Variants in TET3 observed in about 807,000 individuals in gnomAD.
The protein encoded by TET3 is tet methylcytosine dioxygenase 3.
A neutral mutation model predicts 141.4 loss-of-function variants in TET3; 19 were observed. That is an observed-to-expected ratio of 0.13 (90% CI 0.09 to 0.20). The LOEUF (loss-of-function observed/expected upper bound fraction) is 0.20. TET3 is among the 10% of genes least tolerant of loss of function. The pLI is 1.00. For synonymous variants in TET3, 1,043 were observed against 980.9 expected, an observed-to-expected ratio of 1.06 and a Z score of -1.18; for missense variants, 1,874 against 2,356.9, an observed-to-expected ratio of 0.80 and a Z score of 4.24.
chr2:74,116,819 G>A, the TET3 span, among the ~76,000 whole-genome samples: 4 of 152,172 alleles, frequency 2.6e-5, no homozygotes, highest in African/African-American at 7.2e-5. Flanking sequence ...GCTCGTGCCT[G>A]TAATCCCAGC....
At chr2:74,109,888 CTTT>C (rs1691662341), downstream of TET3, among the ~76,000 whole-genome samples, 1 of 152,144 alleles carries the variant, frequency 6.6e-6, no homozygotes, top group South Asian at 2.1e-4. Flanking sequence ...GGTTTATTAG[CTTT>C]TTAAGCAGCG....
In TET3 at chr2:74,047,867, C is replaced by A. The variant is rs1687729520; in HGVS notation, c.1950C>A (p.Ala650=). 6.2e-7 allele frequency: 1 copy of A among 1,612,936 alleles called. No individual in the cohort carries two copies. Among genetic ancestry groups the A allele is most frequent in the Non-Finnish European group, 8.5e-7 (1 of 1,179,414 alleles). The change falls in exon 4 of 12, where the codon GCC becomes GCA. Residue 650 remains alanine (A), a synonymous_variant. Transcript: ENST00000409262. ...CTCATCCACCGGCCCCTCTGCCTGC[C>A]TCACAGGGCTCTGCTGTGCCCCTGC... The part of the protein sequence containing the change: ...VQAHPPAPLP[A]SQGSAVPLPP...
At chr2:74,115,116 T>C in the TET3 span, among the ~76,000 whole-genome samples, 1 of 152,080 alleles carries the variant, frequency 6.6e-6, no homozygotes, top group African/African-American at 2.4e-5. Context: ...GATTATATCA[T>C]ACTAAAAGCT....
chr2:74,078,418 G>A (rs1689633236), intron 5 of TET3, among the ~76,000 whole-genome samples: 1 of 152,298 alleles, frequency 6.6e-6, no homozygotes, highest in East Asian at 1.9e-4. Context: ...CCCACTGTCT[G>A]TAGCTTGCTT....
In TET3 at chr2:74,101,653, T is replaced by G; in HGVS notation, c.4865T>G (p.Val1622Gly). 6.2e-7 allele frequency: 1 copy of G among 1,613,158 alleles called. No homozygotes were observed. Among genetic ancestry groups the G allele is most frequent in the South Asian group, 1.1e-5 (1 of 91,032 alleles). The change falls in exon 12 of 12, where the codon GTG becomes GGG. Residue 1622 changes from valine to glycine, a missense_variant. Physicochemically the swap from Val to Gly is moderately radical, Grantham distance 109 (BLOSUM62 -3). Coordinates refer to ENST00000409262, the MANE Select transcript of TET3 (RefSeq NM_001287491.2). The surrounding 1 kb of genome is among the most constrained non-coding windows in gnomAD (Gnocchi z 8.5). ...GAGGAGCCCCCCAGCAAGGGAGCGGTGAAGGAGGAGAAGGGCGGTGGTGGT... is the reference window on the plus strand; with the variant it reads ...GAGGAGCCCCCCAGCAAGGGAGCGGGGAAGGAGGAGAAGGGCGGTGGTGGT... ...PAEEPPSKGA[V>G]KEEKGGGGAE... is the part of the protein sequence containing the mutation.
chr2:74,059,504 C>G (rs989660687), intron 4 of TET3, among the ~76,000 whole-genome samples: 6 of 152,250 alleles, frequency 3.9e-5, no homozygotes, highest in Non-Finnish European at 7.3e-5. Context: ...ATCTGCCTGC[C>G]TTGGCCTCCC....
At position 74,046,414 on chromosome 2, in the gene TET3, G is replaced by T. The variant is rs770553550; in HGVS notation, c.497G>T (p.Ser166Ile). The change falls in exon 4 of 12, where the codon AGT (serine) becomes ATT (isoleucine). Residue 166 changes from serine (S) to isoleucine (I), a missense_variant. Transcript: ENST00000409262. The surrounding 1 kb of genome is among the most constrained non-coding windows in gnomAD (Gnocchi z 4.3). ...VNGAREPAGP[S>I]LLGTGGPWRV... ...GGTGCTAGAGAGCCCGCTGGACCCA[G>T]TCTGCTGGGGACTGGGGGTCCTTGG... The T allele has an allele frequency of 6.3e-7, 1 of 1,581,626 alleles. No homozygotes were observed. Among genetic ancestry groups the T allele is most frequent in the Non-Finnish European group, 8.6e-7 (1 of 1,164,688 alleles).
At chr2:74,130,851 C>G in the TET3 span, 1 of 152,288 alleles carries the variant, frequency 6.6e-6, no homozygotes, top group East Asian at 1.9e-4. Flanking sequence ...TGCCCGGGCT[C>G]TGGCTGCCTG....
chr2:74,072,661 C>T (rs1192076006), intron 4 of TET3, among the ~76,000 whole-genome samples: 1 of 152,108 alleles, frequency 6.6e-6, no homozygotes, highest in East Asian at 1.9e-4. Flanking sequence ...TAATTACATT[C>T]ACAATATTGT....
intron 3 of TET3, among the ~76,000 whole-genome samples, chr2:74,035,140 T>C (rs1210626812): frequency 6.8e-6 from 1 of 147,414 alleles, no homozygotes; most frequent in Non-Finnish European, 1.5e-5. Flanking sequence ...AGGCGGAGCT[T>C]GCAGTGAGCC....
In TET3 at chr2:74,102,367, C is replaced by G; in HGVS notation, c.*191C>G. 1 of 824,198 alleles carries G rather than the reference C, an allele frequency of 1.2e-6. No homozygotes were observed. The highest frequency in any genetic ancestry group is 1.6e-6 in the Non-Finnish European group (1 of 619,516). The allele number at this position is 824,198 out of a possible 1,614,324, so 51.1% of individuals were successfully genotyped here. On this transcript the variant is annotated 3_prime_UTR_variant, in exon 12 of 12. Coordinates refer to ENST00000409262, the MANE Select transcript of TET3 (RefSeq NM_001287491.2). ...GAACTGACCCGCCCCTCCCTTACCC[C>G]CACTTCCCCAGCACTTTGAAGAAGA...
chr2:74,067,428 G>A (rs556627145), intron 4 of TET3, among the ~76,000 whole-genome samples: 178 of 152,242 alleles, frequency 1.2e-3, no homozygotes, highest in Non-Finnish European at 2.0e-3. Context: ...CAAATACTGT[G>A]CTAAGCCCTT....
chr2:74,065,961 G>C lies in TET3; in HGVS notation c.2495-7588G>C, dbSNP rs374753016. ...TTTAGTAGAGATGGGGTTTCACTGT[G>C]GTAGCCAAAATGGTCTCGATCTCCT... On this transcript the variant is annotated intron_variant, in intron 4 of 11. Coordinates refer to ENST00000409262, the MANE Select transcript of TET3 (RefSeq NM_001287491.2). Among the ~76,000 whole-genome samples, 34 of 152,154 alleles carry C rather than the reference G, an allele frequency of 2.2e-4. 1 individual carries two copies. In the East Asian group the frequency reaches 2.7e-3, roughly 12 times the overall value.
downstream of TET3, among the ~76,000 whole-genome samples, chr2:74,109,229 T>C (rs535957232): frequency 1.3e-5 from 2 of 152,320 alleles, no homozygotes; most frequent in South Asian, 2.1e-4. Flanking sequence ...GCTATAAATA[T>C]GCTGCCATCT....
intron 4 of TET3, among the ~76,000 whole-genome samples, chr2:74,060,265 G>A (rs557804423): frequency 1.1e-4 from 17 of 152,250 alleles, no homozygotes; most frequent in East Asian, 3.9e-4. Flanking sequence ...TTCATATGCC[G>A]TCTTTTGTGG....
intron 4 of TET3, among the ~76,000 whole-genome samples, chr2:74,072,911 G>T (rs181234446): frequency 3.5e-4 from 54 of 152,314 alleles, no homozygotes; most frequent in African/African-American, 1.3e-3. Context: ...CCTTGTAATA[G>T]CATGTATCAA....
At chr2:74,024,690 G>A (rs1007696316) in intron 3 of TET3, among the ~76,000 whole-genome samples, 9 of 152,094 alleles carry the variant, frequency 5.9e-5, no homozygotes, top group South Asian at 2.1e-4. Flanking sequence ...CCTGTTCCTC[G>A]TTGTAAGATT....
chr2:74,107,795 A>G lies in TET3; in HGVS notation c.*5619A>G, dbSNP rs2104286141. On this transcript the variant is annotated 3_prime_UTR_variant, in exon 12 of 12. Transcript: ENST00000409262. ...TGTAAACTGTGGCTACTTGAAATGA[A>G]GTTTATCTGGGGTTGATGGATGAAT... 6.6e-6 allele frequency: 1 copy of G among 152,336 alleles called. No homozygotes were observed. Among genetic ancestry groups the G allele is most frequent in the East Asian group, 1.9e-4 (1 of 5,194 alleles). 9.4% of individuals were successfully genotyped at this position (152,336 alleles called of 1,614,324 possible). A position where few individuals can be genotyped will look rare whatever the true frequency, so the allele number is the denominator to read the frequency against.
Position 74,105,745 on chromosome 2 carries a change from C to T in TET3, c.*3569C>T. The T allele has an allele frequency of 5.1e-6, 1 of 195,664 alleles. No individual in the cohort carries two copies. The allele number at this position is 195,664 out of a possible 1,614,324, so 12.1% of individuals were successfully genotyped here. A position where few individuals can be genotyped will look rare whatever the true frequency, so the allele number is the denominator to read the frequency against. ...AGCTTAACTGCTTTGTACCACACAG[C>T]AGTAGATGTGCAAGGACGGTTGACA... On this transcript the variant is annotated 3_prime_UTR_variant, in exon 12 of 12. Transcript: ENST00000409262.
Sources: gnomAD v4.1 joint callset for allele counts (sites outside exome capture counted in the v4.1 genomes callset) on GRCh38, gnomAD v4.1.1 for gene constraint, Gnocchi (gnomAD v3.1) non-coding constraint, MANE v1.5 for transcripts, NCBI Gene and HGNC (gene_info 2026-07-23, HGNC 2026-07-21) for gene names.